EBF1: variants seen among roughly 807,000 people sequenced by gnomAD.
EBF1 encodes the protein EBF transcription factor 1.
A neutral mutation model predicts 68.4 loss-of-function variants in EBF1; 10 were observed. The observed-to-expected ratio is 0.15, with a 90% confidence interval of 0.09 to 0.25. The LOEUF is 0.25. Among genes scored for constraint, EBF1 ranks in the 10% least tolerant of loss-of-function variants. The pLI is 1.00. For synonymous variants in EBF1, 298 were observed against 299.8 expected, an observed-to-expected ratio of 0.99 and a Z score of 0.06; for missense variants, 509 against 794.4, an observed-to-expected ratio of 0.64 and a Z score of 4.32.
intron 8 of EBF1, among the ~76,000 whole-genome samples, chr5:158,815,442 G>C (rs1009919730): frequency 1.3e-5 from 2 of 152,076 alleles, no homozygotes; most frequent in African/African-American, 4.8e-5. Flanking sequence ...TTTGTTGGAA[G>C]ACTTGATGAG....
At chr5:158,795,183 T>G (rs879296133) in intron 9 of EBF1, among the ~76,000 whole-genome samples, 1 of 152,170 alleles carries the variant, frequency 6.6e-6, no homozygotes, top group African/African-American at 2.4e-5. Flanking sequence ...CTCATCTGCA[T>G]GGCCCCTCTA....
intron 14 of EBF1, 147 bp from the exon 15 acceptor site, chr5:158,708,320 C>T (rs1482351889): frequency 1.1e-5 from 8 of 759,236 alleles, no homozygotes; most frequent in South Asian, 1.8e-5. Flanking sequence ...TTCGCAGGCT[C>T]TCATCCACTT....
chr5:158,889,966 G>A (rs571135919), intron 6 of EBF1, among the ~76,000 whole-genome samples: 72 of 152,210 alleles, frequency 4.7e-4, no homozygotes, highest in African/African-American at 1.5e-3. Context: ...TAAAGTATAC[G>A]GGAGAATATG....
At chr5:158,915,964 T>A (rs1319967368) in intron 6 of EBF1, among the ~76,000 whole-genome samples, 1 of 152,196 alleles carries the variant, frequency 6.6e-6, no homozygotes, top group East Asian at 1.9e-4. Flanking sequence ...GGTCTGGTTT[T>A]ACTGATTCGC....
intron 6 of EBF1, among the ~76,000 whole-genome samples, chr5:158,937,681 C>T (rs1258833569): frequency 6.6e-6 from 1 of 152,154 alleles, no homozygotes; most frequent in Admixed American, 6.5e-5. Flanking sequence ...CCAAGGGAGG[C>T]AGTGGAAGCC....
chr5:158,979,479 G>C (rs2127581907), intron 6 of EBF1, among the ~76,000 whole-genome samples: 1 of 152,248 alleles, frequency 6.6e-6, no homozygotes, highest in South Asian at 2.1e-4. Context: ...CATAAAAAGT[G>C]ATAGGTTTTT....
intron 10 of EBF1, among the ~76,000 whole-genome samples, chr5:158,735,631 G>A (rs1043025126): frequency 2.0e-5 from 3 of 152,184 alleles, no homozygotes; most frequent in Admixed American, 6.5e-5. Context: ...TTGGTGGGAT[G>A]TATCTGTTGT....
At chr5:158,814,947 C>T (rs550770385) in intron 8 of EBF1, among the ~76,000 whole-genome samples, 1 of 152,172 alleles carries the variant, frequency 6.6e-6, no homozygotes. Flanking sequence ...ATGATGTGCC[C>T]CATTTTTTAA....
intron 6 of EBF1, among the ~76,000 whole-genome samples, chr5:159,049,642 A>G (rs1332473357): frequency 6.6e-6 from 1 of 152,256 alleles, no homozygotes; most frequent in African/African-American, 2.4e-5. Context: ...ATCCAGCCCC[A>G]GCCCCAGAAT....
At chr5:158,964,170 A>G (rs1307928964) in intron 6 of EBF1, among the ~76,000 whole-genome samples, 1 of 152,184 alleles carries the variant, frequency 6.6e-6, no homozygotes, top group Non-Finnish European at 1.5e-5. Context: ...GTGCAAAGAC[A>G]AAAGCAAGCT....
intron 7 of EBF1, among the ~76,000 whole-genome samples, chr5:158,826,354 T>C (rs1786112896): frequency 6.6e-6 from 1 of 152,180 alleles, no homozygotes; most frequent in Admixed American, 6.5e-5. Context: ...TAAACGACAT[T>C]TTAGATTCCC....
At chr5:158,810,234 C>T (rs1404741552) in intron 8 of EBF1, among the ~76,000 whole-genome samples, 1 of 152,170 alleles carries the variant, frequency 6.6e-6, no homozygotes, top group African/African-American at 2.4e-5. Flanking sequence ...ATATCCCCCT[C>T]ACCCACCAGC....
chr5:158,907,405 AC>A (rs1328665761), intron 6 of EBF1, among the ~76,000 whole-genome samples: 6 of 152,308 alleles, frequency 3.9e-5, no homozygotes, highest in African/African-American at 1.4e-4. Flanking sequence ...CCAAAATTAC[AC>A]CCATGGCTTG....
Position 158,968,417 on chromosome 5 carries a change from T to C in EBF1, c.554+104979A>G, listed in dbSNP as rs545119064. Among the ~76,000 whole-genome samples the C allele has an allele frequency of 1.0e-3, 155 of 152,322 alleles. 1 individual carries two copies. Among genetic ancestry groups the C allele is most frequent in the Middle Eastern group, 3.4e-3 (1 of 294 alleles). On this transcript the variant is annotated intron_variant, in intron 6 of 15. Coordinates refer to ENST00000313708, the MANE Select transcript of EBF1 (RefSeq NM_024007.5). ...ACTGCCGGCAAATTAAACTGTGAAC[T>C]TACAAAGTGGGTGGCAATAAATACA...
chr5:158,745,967 G>C (rs1298986084), intron 10 of EBF1, among the ~76,000 whole-genome samples: 1 of 152,202 alleles, frequency 6.6e-6, no homozygotes, highest in Non-Finnish European at 1.5e-5. Context: ...GGGAGTGAAA[G>C]AGAGGCTTAG....
intron 6 of EBF1, among the ~76,000 whole-genome samples, chr5:158,990,080 G>A (rs567236487): frequency 2.6e-5 from 4 of 152,152 alleles, no homozygotes; most frequent in Admixed American, 1.3e-4. Context: ...AAGAGGGAGC[G>A]AAATGTGAAC....
chr5:158,702,354 A>G (rs1561671033), intron 15 of EBF1, among the ~76,000 whole-genome samples: 1 of 152,114 alleles, frequency 6.6e-6, no homozygotes, highest in Non-Finnish European at 1.5e-5. Flanking sequence ...GAGTGCATAA[A>G]GATTCCCATG....
At chr5:158,883,413 C>G (rs1162120576) in intron 6 of EBF1, among the ~76,000 whole-genome samples, 1 of 147,960 alleles carries the variant, frequency 6.8e-6, no homozygotes. Flanking sequence ...TATATATATA[C>G]ATACATACGT....
chr5:158,820,173 A>G (rs1483317118), intron 8 of EBF1, among the ~76,000 whole-genome samples: 2 of 152,046 alleles, frequency 1.3e-5, no homozygotes, highest in Non-Finnish European at 2.9e-5. Context: ...TTAGATGGTA[A>G]AAAGTCCAGA....
Sources: allele counts gnomAD v4.1 joint callset (sites outside exome capture counted in the v4.1 genomes callset), GRCh38; gene constraint gnomAD v4.1.1; transcripts MANE v1.5; gene names NCBI Gene and HGNC (gene_info 2026-07-23, HGNC 2026-07-21).